Variants in PCDHA12 observed in about 807,000 individuals in gnomAD.
PCDHA12 encodes protocadherin alpha 12.
Under a neutral mutation model 60.0 loss-of-function variants are expected in PCDHA12, and 44 were observed. The observed-to-expected ratio is 0.73, with a 90% confidence interval of 0.58 to 0.94. The LOEUF is 0.94. PCDHA12 is among the 40% of genes least tolerant of loss of function. The pLI, the probability that PCDHA12 is intolerant of heterozygous loss-of-function variation, is 0.00. For missense variants in PCDHA12, 1,276 were observed against 1,239.7 expected (o/e 1.03, Z -0.44); for synonymous variants, 569 against 553.0 (o/e 1.03, Z -0.40).
chr5:140,937,964 A>G (rs1298140144), intron 1 of PCDHA12, among the ~76,000 whole-genome samples: 1 of 152,164 alleles, frequency 6.6e-6, no homozygotes, highest in East Asian at 1.9e-4. Flanking sequence ...GAAAGTATAT[A>G]GAAATAATAC....
intron 1 of PCDHA12, chr5:140,929,043 C>T: frequency 6.2e-7 from 1 of 1,614,196 alleles, no homozygotes; most frequent in South Asian, 1.1e-5. Flanking sequence ...GCGCTCAGAG[C>T]TGCTGTCGCT....
At chr5:140,885,110 TA>T (rs1368571784) in intron 1 of PCDHA12, among the ~76,000 whole-genome samples, 4 of 152,224 alleles carry the variant, frequency 2.6e-5, no homozygotes, top group African/African-American at 9.6e-5. Context: ...ATGCTTTTTT[TA>T]AGTGCACTTT....
chr5:140,928,288 C>G, intron 1 of PCDHA12: 2 of 1,614,156 alleles, frequency 1.2e-6, no homozygotes, highest in Non-Finnish European at 1.7e-6. Flanking sequence ...CTCTCTAGGC[C>G]GAGTGTTTGC....
chr5:140,994,637 G>A (rs1355719166), intron 3 of PCDHA12, among the ~76,000 whole-genome samples: 1 of 152,078 alleles, frequency 6.6e-6, no homozygotes, highest in Non-Finnish European at 1.5e-5. Context: ...CCTGGAAGGT[G>A]GAGGTTGCAG....
intron 3 of PCDHA12, among the ~76,000 whole-genome samples, chr5:141,008,339 C>T (rs782805145): frequency 1.1e-4 from 16 of 152,176 alleles, no homozygotes; most frequent in Non-Finnish European, 1.5e-4. Context: ...TTTGATGGAG[C>T]TTTTCACGTG....
At chr5:140,960,079 A>G (rs1006555188) in intron 1 of PCDHA12, among the ~76,000 whole-genome samples, 1 of 152,228 alleles carries the variant, frequency 6.6e-6, no homozygotes, top group African/African-American at 2.4e-5. Flanking sequence ...TGAAGTTTCT[A>G]AAAGAGAAAG....
intron 3 of PCDHA12, 22 bp downstream of exon 3, chr5:140,982,585 ATTCT>A: frequency 6.2e-7 from 1 of 1,611,974 alleles, no homozygotes; most frequent in Non-Finnish European, 8.5e-7. Flanking sequence ...GGGTCTCTCC[ATTCT>A]TTCTTGGTTT....
chr5:141,010,265 G>A lies in PCDHA12; in HGVS notation c.*328G>A, dbSNP rs1554262846. ...GTTGGACTCTCTGCCCTGTGCTCCGGGGATCCTGTCTTGATGACACTTGCA... is the reference window on the plus strand; with the variant it reads ...GTTGGACTCTCTGCCCTGTGCTCCGAGGATCCTGTCTTGATGACACTTGCA... On this transcript the variant is annotated 3_prime_UTR_variant, in exon 4 of 4. Coordinates refer to ENST00000398631, the MANE Select transcript of PCDHA12 (RefSeq NM_018903.4). 6.4e-7 allele frequency: 1 copy of A among 1,551,726 alleles called. No homozygotes were observed. The highest frequency in any genetic ancestry group is 8.7e-7 in the Non-Finnish European group (1 of 1,147,006).
chr5:141,009,573 G>T, intron 3 of PCDHA12, 54 bp from the exon 4 acceptor site: 2 of 1,580,662 alleles, frequency 1.3e-6, no homozygotes, highest in South Asian at 1.2e-5. Context: ...CAGCAGTGTG[G>T]CATCAAGAGC....
intron 1 of PCDHA12, among the ~76,000 whole-genome samples, chr5:140,932,231 A>G (rs2088135026): frequency 6.6e-6 from 1 of 151,848 alleles, no homozygotes; most frequent in African/African-American, 2.4e-5. Context: ...AATTTTTTAG[A>G]ATGGTATCTA....
At chr5:140,903,202 C>T (rs1322362050) in intron 1 of PCDHA12, among the ~76,000 whole-genome samples, 4 of 152,184 alleles carry the variant, frequency 2.6e-5, no homozygotes, top group Admixed American at 2.0e-4. Context: ...GTGTCCTTTT[C>T]ACCACATTCA....
At chr5:140,898,497 T>G (rs1473036595) in intron 1 of PCDHA12, among the ~76,000 whole-genome samples, 2 of 152,216 alleles carry the variant, frequency 1.3e-5, no homozygotes, top group African/African-American at 4.8e-5. Flanking sequence ...ATCAGATAGT[T>G]GTAGATATGC....
At chr5:140,965,521 G>T (rs1554227745) in intron 1 of PCDHA12, among the ~76,000 whole-genome samples, 1 of 150,834 alleles carries the variant, frequency 6.6e-6, no homozygotes, top group African/African-American at 2.4e-5. Flanking sequence ...TAACTGCAAA[G>T]CATTAATGGA....
chr5:140,914,590 T>C (rs886666163), intron 1 of PCDHA12, among the ~76,000 whole-genome samples: 1 of 152,208 alleles, frequency 6.6e-6, no homozygotes, highest in African/African-American at 2.4e-5. Flanking sequence ...TTCATTTAAG[T>C]AGGAACTTCC....
At chr5:140,927,376 A>G (rs1554204440) in intron 1 of PCDHA12, 13 of 1,614,094 alleles carry the variant, frequency 8.1e-6, no homozygotes, top group East Asian at 2.2e-5. Context: ...ACTAAGCTAC[A>G]GCCTAAGCCC....
intron 1 of PCDHA12, among the ~76,000 whole-genome samples, chr5:140,935,364 G>A (rs1480423579): frequency 2.0e-5 from 3 of 152,008 alleles, no homozygotes; most frequent in African/African-American, 4.8e-5. Flanking sequence ...TTTCATTAAC[G>A]TCAACAGAAT....
At chr5:140,895,454 G>T (rs1554186522) in intron 1 of PCDHA12, among the ~76,000 whole-genome samples, 1 of 151,918 alleles carries the variant, frequency 6.6e-6, no homozygotes, top group Non-Finnish European at 1.5e-5. Context: ...TGTGCTTATT[G>T]GTCATTTCTT....
At chr5:140,932,794 G>A (rs945877357) in intron 1 of PCDHA12, among the ~76,000 whole-genome samples, 46 of 151,806 alleles carry the variant, frequency 3.0e-4, no homozygotes, top group African/African-American at 4.8e-5. Flanking sequence ...TAAGAGAAAA[G>A]CAATACCTTG....
At position 140,929,086 on chromosome 5, in the gene PCDHA12, G is replaced by A. The variant is rs899611580; in HGVS notation, c.2368-49863G>A. 2.5e-6 allele frequency: 4 copies of A among 1,614,158 alleles called. No individual in the cohort carries two copies. The South Asian group carries it at 4.4e-5, about 18-fold the overall frequency. On this transcript the variant is annotated intron_variant, in intron 1 of 3. Coordinates refer to ENST00000398631, the MANE Select transcript of PCDHA12 (RefSeq NM_018903.4). ...GGATCTGAGGTATGGAAGTAAGATG[G>A]TTTCAAATCCTTGCATGACATCAGC... is the stretch of plus-strand genomic sequence containing the variant.
Sources: allele counts gnomAD v4.1 joint callset (sites outside exome capture counted in the v4.1 genomes callset), GRCh38; gene constraint gnomAD v4.1.1; transcripts MANE v1.5; gene names NCBI Gene and HGNC (gene_info 2026-07-23, HGNC 2026-07-21).